The following HTT variants were observed in gnomAD, a reference collection of about 807,000 sequenced individuals.
The protein encoded by HTT is huntington disease protein.
A neutral mutation model predicts 362.3 loss-of-function variants in HTT; 104 were observed. The ratio of observed to expected loss-of-function variants is 0.29; its 90% confidence interval spans 0.24 to 0.34. The LOEUF is 0.34. Ranked by LOEUF, HTT falls within the 10% of genes least tolerant of loss-of-function variation. The probability of loss-of-function intolerance (pLI) is 1.00; values close to 1 mark genes in which losing one functional copy is unlikely to be tolerated. For missense variants in HTT, 3,301 were observed against 3,928.6 expected, an observed-to-expected ratio of 0.84 and a Z score of 4.27; for synonymous variants, 1,577 against 1,548.7, an observed-to-expected ratio of 1.02 and a Z score of -0.43.
At chr4:3,207,138 C>A in intron 44 of HTT, 143 bp from the exon 45 acceptor site, 1 of 1,026,060 alleles carries the variant, frequency 9.7e-7, no homozygotes, top group Non-Finnish European at 1.5e-6. Context: ...CTCGTGTGTC[C>A]GATCTGACTG....
rs1386537792 is a variant in HTT, at chr4:3,135,960, A to G, written c.2690A>G (p.Tyr897Cys). The stretch of plus-strand genomic sequence containing the variant: ...AACTTACACAGAGGGGCTCATCATT[A>G]TACAGGGGTAAGCGGTTTATTTTTG... ...AENLHRGAHH[Y>C]TGLLKLQERV... is the part of the protein sequence containing the mutation. Residue 897 changes from tyrosine to cysteine, a missense_variant, in exon 20 of 67, where the codon TAT becomes TGT. Transcript: ENST00000355072. 2 of 1,602,200 alleles carry G rather than the reference A, an allele frequency of 1.2e-6. No homozygotes were observed. Among genetic ancestry groups the G allele is most frequent in the South Asian group, 1.1e-5 (1 of 88,408 alleles).
At position 3,180,544 on chromosome 4, in the gene HTT, G is replaced by A. The variant is rs770827394; in HGVS notation, c.4642G>A (p.Asp1548Asn). 8.7e-6 allele frequency: 14 copies of A among 1,611,762 alleles called. No individual in the cohort carries two copies. The highest frequency in any genetic ancestry group is 1.1e-5 in the South Asian group (1 of 90,698). ...ACCGGCTCTGCAGCCCATAGTCCAC[G>A]ACCTCTTTGTATTAAGAGGAACAAA... is the stretch of plus-strand genomic sequence containing the variant. ...AIPALQPIVH[D>N]LFVLRGTNKA... Residue 1548 changes from aspartate to asparagine, a missense_variant, in exon 36 of 67, where the codon GAC becomes AAC. This residue lies in a region of HTT where 2,316 missense variants were observed against 2,658.5 expected (regional missense o/e 0.87). Coordinates refer to ENST00000355072, the MANE Select transcript of HTT (RefSeq NM_001388492.1).
chr4:3,223,599 G>C (rs368278393), intron 55 of HTT, 39 bp downstream of exon 55: 13 of 1,554,890 alleles, frequency 8.4e-6, no homozygotes, highest in Non-Finnish European at 1.1e-5. Flanking sequence ...GACATAGCAG[G>C]TGCTGGGGAC....
At position 3,198,484 on chromosome 4, in the gene HTT, C is replaced by G. The variant is rs904622980; in HGVS notation, c.5369-1248C>G. 2.6e-5 allele frequency among the ~76,000 whole-genome samples: 4 copies of G among 152,254 alleles called. No homozygotes were observed. In the South Asian group the frequency reaches 6.2e-4, roughly 24 times the overall value. On this transcript the variant is annotated intron_variant, in intron 40 of 66. Transcript: ENST00000355072. Reference sequence around the variant, plus strand: ...AAGTGATCTGCCCACCTTGGCCTCCCAAAGTGCTGTGATTATAGGCGTGAG... The same window carrying G: ...AAGTGATCTGCCCACCTTGGCCTCCGAAAGTGCTGTGATTATAGGCGTGAG...
At chr4:3,163,364 C>T (rs1717536919) in intron 29 of HTT, among the ~76,000 whole-genome samples, 2 of 152,186 alleles carry the variant, frequency 1.3e-5, no homozygotes, top group Admixed American at 1.3e-4. Flanking sequence ...CGATGTTCAT[C>T]AGGGATATTG....
intron 52 of HTT, among the ~76,000 whole-genome samples, chr4:3,219,497 A>G (rs1720577734): frequency 6.6e-6 from 1 of 152,156 alleles, no homozygotes; most frequent in African/African-American, 2.4e-5. Flanking sequence ...ATAGGGGAGC[A>G]TAACCGATTT....
chr4:3,083,412 T>A (rs1373193948), intron 1 of HTT, among the ~76,000 whole-genome samples: 1 of 151,884 alleles, frequency 6.6e-6, no homozygotes, highest in African/African-American at 2.4e-5. Context: ...TCCCAGCTAC[T>A]CAGGAGGCTG....
At chr4:3,086,631 A>G (rs564353193) in intron 1 of HTT, among the ~76,000 whole-genome samples, 3 of 152,332 alleles carry the variant, frequency 2.0e-5, no homozygotes, top group East Asian at 3.9e-4. Flanking sequence ...TGATTGTGCT[A>G]TCGTACTCCA....
intron 2 of HTT, among the ~76,000 whole-genome samples, chr4:3,096,014 C>T (rs759128939): frequency 1.3e-5 from 2 of 152,198 alleles, no homozygotes; most frequent in Non-Finnish European, 2.9e-5. Context: ...CAAAAATAAC[C>T]TACAGGTAAC....
Position 3,200,815 on chromosome 4 carries a change from T to G in HTT, c.5576+876T>G, listed in dbSNP as rs755267100. Among the ~76,000 whole-genome samples the G allele has an allele frequency of 2.2e-4, 34 of 152,348 alleles. No individual in the cohort carries two copies. In the East Asian group the frequency reaches 4.6e-3, roughly 21 times the overall value. On this transcript the variant is annotated intron_variant, in intron 41 of 66. Transcript: ENST00000355072. Reference sequence around the variant, plus strand: ...AGACCAGTGACGACATTTGAAATGCTTGGTGGATGTCTTAGGCCTGTTACG... The same window carrying G: ...AGACCAGTGACGACATTTGAAATGCGTGGTGGATGTCTTAGGCCTGTTACG...
chr4:3,228,206 G>A lies in HTT; in HGVS notation c.7849-409G>A, dbSNP rs994728109. Among the ~76,000 whole-genome samples, 1 of 152,222 alleles carries A rather than the reference G, an allele frequency of 6.6e-6. No individual in the cohort carries two copies. The highest frequency in any genetic ancestry group is 1.5e-5 in the Non-Finnish European group (1 of 68,034). On this transcript the variant is annotated intron_variant, in intron 57 of 66. Coordinates refer to ENST00000355072, the MANE Select transcript of HTT (RefSeq NM_001388492.1). The surrounding 1 kb of genome is among the most constrained non-coding windows in gnomAD (Gnocchi z 4.3). ...TCTAGAGCGCGGGTCACAAAGGCGCGAGGGAGCTCTGGCCTTGGGTTTACC... is the reference window on the plus strand; with the variant it reads ...TCTAGAGCGCGGGTCACAAAGGCGCAAGGGAGCTCTGGCCTTGGGTTTACC...
At chr4:3,172,585 C>T (rs999407337) in intron 30 of HTT, among the ~76,000 whole-genome samples, 188 bp downstream of exon 30, 3 of 152,282 alleles carry the variant, frequency 2.0e-5, no homozygotes, top group Middle Eastern at 3.4e-3. Flanking sequence ...CCCAGGAGGA[C>T]GAGGTCTGTC....
chr4:3,136,447 C>T (rs985623298), intron 21 of HTT, 121 bp downstream of exon 21: 21 of 479,020 alleles, frequency 4.4e-5, no homozygotes, highest in Non-Finnish European at 7.9e-5. Flanking sequence ...GAGCTCATTT[C>T]AGCCATTCTA....
intron 65 of HTT, 50 bp downstream of exon 65, chr4:3,238,659 G>A: frequency 8.4e-6 from 13 of 1,540,530 alleles, no homozygotes; most frequent in Non-Finnish European, 1.1e-5. Context: ...TGGAGGTGGA[G>A]TTGCCTCCGA....
rs771873458 is a variant in HTT at position 3,180,547 on chromosome 4, C to T, written c.4645C>T (p.Leu1549Phe). The change falls in exon 36 of 67, where the codon CTC becomes TTC. Residue 1549 changes from leucine to phenylalanine, a missense_variant. Physicochemically the swap from Leu to Phe is conservative, Grantham distance 22. Coordinates refer to ENST00000355072, the MANE Select transcript of HTT (RefSeq NM_001388492.1). ...GGCTCTGCAGCCCATAGTCCACGAC[C>T]TCTTTGTATTAAGAGGAACAAATAA... ...IPALQPIVHDLFVLRGTNKAD... is the reference protein window; with the variant it reads ...IPALQPIVHDFFVLRGTNKAD... 6.2e-7 allele frequency: 1 copy of T among 1,612,596 alleles called. No homozygotes were observed. The highest frequency in any genetic ancestry group is 1.1e-5 in the South Asian group (1 of 90,808).
chr4:3,160,248 A>G (rs759763485), intron 28 of HTT, 34 bp from the exon 29 acceptor site: 14 of 1,336,948 alleles, frequency 1.0e-5, no homozygotes, highest in Non-Finnish European at 1.5e-5. Flanking sequence ...TGACAGGGCC[A>G]GTAACCGTGT....
Position 3,178,314 on chromosome 4 carries a change from A to G in HTT, c.4480A>G (p.Ile1494Val). Residue 1494 changes from isoleucine (I) to valine (V), a missense_variant, in exon 35 of 67, where the codon ATT becomes GTT. Ile to Val is a conservative substitution (Grantham distance 29). This residue lies in a region of HTT where 2,316 missense variants were observed against 2,658.5 expected (regional missense o/e 0.87). Coordinates refer to ENST00000355072, the MANE Select transcript of HTT (RefSeq NM_001388492.1). ...VGQFRESEAI[I>V]PNIFFFLVLL... Reference sequence around the variant, plus strand: ...TGTTTTTAGGGAATCAGAGGCAATCATTCCAAACATCTTTTTCTTCTTGGT... The same window carrying G: ...TGTTTTTAGGGAATCAGAGGCAATCGTTCCAAACATCTTTTTCTTCTTGGT... 1.2e-6 allele frequency: 2 copies of G among 1,609,286 alleles called. No homozygotes were observed. Among genetic ancestry groups the G allele is most frequent in the Middle Eastern group, 1.7e-4 (1 of 6,050 alleles).
At chr4:3,201,442 A>G (rs1296981658) in intron 41 of HTT, among the ~76,000 whole-genome samples, 1 of 151,054 alleles carries the variant, frequency 6.6e-6, no homozygotes, top group African/African-American at 2.4e-5. Flanking sequence ...AGGCGGGAGA[A>G]TCGCTTGAAC....
intron 55 of HTT, 66 bp from the exon 56 acceptor site, chr4:3,223,926 T>C: frequency 6.4e-7 from 1 of 1,552,670 alleles, no homozygotes. Flanking sequence ...GGGAAAGTTC[T>C]GGTGTTTTTC....
Sources: gnomAD v4.1 joint callset for allele counts (sites outside exome capture counted in the v4.1 genomes callset) on GRCh38, gnomAD v4.1.1 for gene constraint, gnomAD v4.1.1 regional missense constraint, Gnocchi (gnomAD v3.1) non-coding constraint, MANE v1.5 for transcripts, NCBI Gene and HGNC (gene_info 2026-07-23, HGNC 2026-07-21) for gene names.